The following MAN1C1 variants were observed in gnomAD, a reference collection of about 807,000 sequenced individuals.
MAN1C1 encodes the protein mannosidase alpha class 1C member 1.
In MAN1C1, 49 loss-of-function variants were observed where a neutral mutation model predicts 71.5. That is an observed-to-expected ratio of 0.69 (90% CI 0.54 to 0.87). MAN1C1 has a LOEUF of 0.87. MAN1C1 is among the 40% of genes least tolerant of loss of function. MAN1C1 has a pLI of 0.00. For synonymous variants in MAN1C1, 352 were observed against 343.7 expected (o/e 1.02, Z -0.27); for missense variants, 743 against 835.0 (o/e 0.89, Z 1.36).
intron 1 of MAN1C1, among the ~76,000 whole-genome samples, chr1:25,628,024 G>A (rs180766676): frequency 1.5e-3 from 224 of 152,266 alleles, no homozygotes; most frequent in African/African-American, 5.1e-3. Flanking sequence ...TCCAGCCTGG[G>A]TGACAGAGTG....
At chr1:25,781,653 A>C (rs1360988924) in intron 10 of MAN1C1, among the ~76,000 whole-genome samples, 1 of 152,098 alleles carries the variant, frequency 6.6e-6, no homozygotes, top group African/African-American at 2.4e-5. Context: ...TGGGGATTCC[A>C]GCAGGTTCCC....
intron 1 of MAN1C1, among the ~76,000 whole-genome samples, chr1:25,683,492 G>A (rs2046184178): frequency 6.6e-6 from 1 of 152,210 alleles, no homozygotes; most frequent in African/African-American, 2.4e-5. Context: ...GTGAATGGGG[G>A]TGGAGGGTCT....
chr1:25,618,177 A>G lies in MAN1C1; in HGVS notation c.380A>G (p.Asn127Ser), dbSNP rs1302592500. The G allele has an allele frequency of 6.4e-7, 1 of 1,569,652 alleles. No homozygotes were observed. Among genetic ancestry groups the G allele is most frequent in the South Asian group, 1.2e-5 (1 of 85,874 alleles). Residue 127 changes from asparagine to serine, a missense_variant, in exon 1 of 12, where the codon AAT (asparagine) becomes AGT (serine). Asn to Ser is a conservative substitution (Grantham distance 46). Coordinates refer to ENST00000374332, the MANE Select transcript of MAN1C1 (RefSeq NM_020379.4). The stretch of plus-strand genomic sequence containing the variant: ...GAGGAGGCCACGGCGGCCCGGGGCA[A>G]TAGCATCCCGGCCTCCAGGCCCGGG... ...PREEATAARG[N>S]SIPASRPGDE...
intron 1 of MAN1C1, among the ~76,000 whole-genome samples, chr1:25,625,753 T>C (rs2045284902): frequency 1.3e-5 from 2 of 152,176 alleles, no homozygotes; most frequent in Non-Finnish European, 2.9e-5. Context: ...CCCAGGAGTC[T>C]GAAGCTGTAG....
At chr1:25,777,933 C>T (rs1035395012) in intron 8 of MAN1C1, among the ~76,000 whole-genome samples, 172 bp from the exon 9 acceptor site, 8 of 152,328 alleles carry the variant, frequency 5.3e-5, no homozygotes, top group African/African-American at 1.7e-4. Context: ...CTCCTGTGCC[C>T]TGGCAGGCAT....
At chr1:25,713,490 A>AGTGGG (rs2124254493) in intron 2 of MAN1C1, among the ~76,000 whole-genome samples, 1 of 152,332 alleles carries the variant, frequency 6.6e-6, no homozygotes, top group African/African-American at 2.4e-5. Context: ...GGTCCAGTCT[A>AGTGGG]GTGGGTGAAA....
chr1:25,695,247 C>T (rs531649859), intron 2 of MAN1C1, among the ~76,000 whole-genome samples: 15 of 152,224 alleles, frequency 9.9e-5, no homozygotes, highest in African/African-American at 3.6e-4. Context: ...TGTTGCAATT[C>T]CTTGGATAGA....
At chr1:25,757,040 C>G (rs1026820610) in intron 5 of MAN1C1, among the ~76,000 whole-genome samples, 19 of 152,108 alleles carry the variant, frequency 1.2e-4, no homozygotes, top group African/African-American at 3.6e-4. Context: ...AACCCGAGCC[C>G]TTCGTCTGTT....
rs1048872554 is a variant in MAN1C1, at chr1:25,753,578, G to A, written c.929G>A (p.Ser310Asn). The change falls in exon 5 of 12, where the codon AGT becomes AAT. Residue 310 changes from serine to asparagine, a missense_variant and splice_region_variant. Transcript: ENST00000374332. This position sits in a 1 kb window ranked among gnomAD's most constrained non-coding sequence, Gnocchi z 4.9. ...GIPKGVVSFK[S>N]GNWGWATAGS... is the part of the protein sequence containing the mutation. Reference sequence around the variant, plus strand: ...CCAAAGGGCGTGGTGAGCTTCAAAAGGTAGGGCGCCATCGCGTTCCCCACT... The same window carrying A: ...CCAAAGGGCGTGGTGAGCTTCAAAAAGTAGGGCGCCATCGCGTTCCCCACT... 1.2e-6 allele frequency: 2 copies of A among 1,613,130 alleles called. No individual in the cohort carries two copies. The highest frequency in any genetic ancestry group is 2.2e-5 in the South Asian group (2 of 90,956).
intron 2 of MAN1C1, among the ~76,000 whole-genome samples, chr1:25,741,147 G>C (rs985943535): frequency 6.6e-6 from 1 of 151,770 alleles, no homozygotes; most frequent in African/African-American, 2.4e-5. Context: ...ATGCAGAGTT[G>C]GATATGTGAC....
chr1:25,659,717 G>A (rs1009764051), intron 1 of MAN1C1, among the ~76,000 whole-genome samples: 9 of 152,178 alleles, frequency 5.9e-5, no homozygotes, highest in Non-Finnish European at 8.8e-5. Flanking sequence ...TGCACTCAGG[G>A]ATGACTCCTG....
Position 25,778,047 on chromosome 1 carries a change from C to G in MAN1C1, c.1258-58C>G, listed in dbSNP as rs569170579. ...AATGTTCATTTTCCATCCTTTCCCC[C>G]CCTTCTCTGTGCCCTCCCACGCCCC... On this transcript the variant is annotated intron_variant, in intron 8 of 11. Coordinates refer to ENST00000374332, the MANE Select transcript of MAN1C1 (RefSeq NM_020379.4). The surrounding 1 kb of genome is among the most constrained non-coding windows in gnomAD (Gnocchi z 5.5). 18 of 1,298,570 alleles carry G rather than the reference C, an allele frequency of 1.4e-5. No homozygotes were observed. Among genetic ancestry groups the G allele is most frequent in the South Asian group, 1.3e-4 (9 of 68,386 alleles). The allele number at this position is 1,298,570 out of a possible 1,614,324, so 80.4% of individuals were successfully genotyped here.
chr1:25,677,184 A>G (rs747684663), intron 1 of MAN1C1, among the ~76,000 whole-genome samples: 3 of 152,232 alleles, frequency 2.0e-5, no homozygotes, highest in Non-Finnish European at 4.4e-5. Context: ...GTAGACAAGA[A>G]CATCTTTTGT....
chr1:25,709,911 A>C (rs2046590816), intron 2 of MAN1C1: 2 of 151,736 alleles, frequency 1.3e-5, no homozygotes, highest in Admixed American at 1.3e-4. Flanking sequence ...ACGCCCAGCT[A>C]ATTTTTGTAT....
intron 7 of MAN1C1, among the ~76,000 whole-genome samples, chr1:25,767,557 TCCCCTCACACACACCC>T: frequency 1.3e-5 from 1 of 77,260 alleles, no homozygotes; most frequent in Middle Eastern, 0.013. Context: ...TCACACACAC[TCCCCTCACACACACCC>T]ACACACACAG....
intron 1 of MAN1C1, among the ~76,000 whole-genome samples, chr1:25,641,020 C>T (rs3767911): frequency 0.089 from 13,498 of 152,166 alleles, 1,339 homozygotes; most frequent in East Asian, 0.22. Context: ...AGCTCTGGAA[C>T]TCGAAGTCGA....
At chr1:25,635,438 CTT>C (rs747915977) in intron 1 of MAN1C1, among the ~76,000 whole-genome samples, 7,350 of 131,352 alleles carry the variant, frequency 0.056, 468 homozygotes, top group African/African-American at 0.19. Context: ...TTCTTTCTTT[CTT>C]TTTTTTTTTT....
At chr1:25,694,423 C>T (rs1395141959) in intron 2 of MAN1C1, among the ~76,000 whole-genome samples, 1 of 152,152 alleles carries the variant, frequency 6.6e-6, no homozygotes, top group Non-Finnish European at 1.5e-5. Context: ...CCAGCCAAAT[C>T]CCCATTTTGA....
At chr1:25,651,791 A>G (rs1057176306) in intron 1 of MAN1C1, among the ~76,000 whole-genome samples, 7 of 152,240 alleles carry the variant, frequency 4.6e-5, no homozygotes, top group Admixed American at 1.3e-4. Context: ...GGAAAAATCT[A>G]TGCATTGGGG....
Sources: allele counts gnomAD v4.1 joint callset (sites outside exome capture counted in the v4.1 genomes callset), GRCh38; gene constraint gnomAD v4.1.1; non-coding constraint Gnocchi (gnomAD v3.1); transcripts MANE v1.5; gene names NCBI Gene and HGNC (gene_info 2026-07-23, HGNC 2026-07-21).